ATG5: variants seen among roughly 807,000 people sequenced by gnomAD.
ATG5 encodes the protein autophagy related 5, also known as autophagy protein 5.
ATG5 carries 14 observed loss-of-function variants against 36.5 expected under a neutral mutation model. The observed-to-expected ratio is 0.38, with a 90% CI of 0.25 to 0.60. The LOEUF (loss-of-function observed/expected upper bound fraction) is 0.60, where lower values mean the gene tolerates loss of function less well. Among genes scored for constraint, ATG5 ranks in the 20% least tolerant of loss-of-function variants. ATG5 has a pLI of 0.60. For synonymous variants in ATG5, 95 were observed against 101.5 expected, an observed-to-expected ratio of 0.94 and a Z score of 0.38; for missense variants, 195 against 326.7, an observed-to-expected ratio of 0.60 and a Z score of 3.11.
At chr6:106,189,920 T>C (rs141057376) in intron 7 of ATG5, among the ~76,000 whole-genome samples, 375 of 152,304 alleles carry the variant, frequency 2.5e-3, no homozygotes, top group African/African-American at 8.5e-3. Context: ...ACTAGTTCTA[T>C]ATGAACTTCT....
intron 2 of ATG5, 90 bp downstream of exon 2, chr6:106,316,011 C>T (rs893943652): frequency 3.0e-5 from 30 of 1,014,576 alleles, no homozygotes; most frequent in African/African-American, 2.8e-4. Context: ...GTATCTAAAA[C>T]GTTACATAAT....
rs186690227 is a variant in ATG5, at chr6:106,261,872, A to G, written c.479-13628T>C. Among the ~76,000 whole-genome samples, 34 of 152,298 alleles carry G rather than the reference A, an allele frequency of 2.2e-4. No homozygotes were observed. The East Asian group carries it at 6.4e-3, about 29-fold the overall frequency. On this transcript the variant is annotated intron_variant, in intron 5 of 7. Transcript: ENST00000369076. ...TGTGCTACTGGCATCTAGTCTGTAG[A>G]GGCCAGAAGTGCTGCTAAAGATTAC...
At chr6:106,219,447 C>A (rs1235508632) in intron 6 of ATG5, among the ~76,000 whole-genome samples, 1 of 152,188 alleles carries the variant, frequency 6.6e-6, no homozygotes, top group East Asian at 1.9e-4. Flanking sequence ...GCAGATTCAA[C>A]TAACCATGGG....
intron 6 of ATG5, among the ~76,000 whole-genome samples, chr6:106,221,765 C>T (rs752304760): frequency 6.6e-6 from 1 of 151,048 alleles, no homozygotes; most frequent in Non-Finnish European, 1.5e-5. Context: ...ACTATATCTA[C>T]TTATATTCCC....
At chr6:106,250,390 A>G (rs1483074472) in intron 5 of ATG5, among the ~76,000 whole-genome samples, 1 of 152,208 alleles carries the variant, frequency 6.6e-6, no homozygotes, top group Non-Finnish European at 1.5e-5. Flanking sequence ...AAAATTCTGA[A>G]TCCAGTAAGT....
intron 6 of ATG5, among the ~76,000 whole-genome samples, chr6:106,222,650 T>C (rs945588161): frequency 6.6e-6 from 1 of 152,116 alleles, no homozygotes; most frequent in Non-Finnish European, 1.5e-5. Context: ...AAAATAAAAG[T>C]AATGAACTTA....
At chr6:106,189,154 C>A (rs901793458) in intron 7 of ATG5, among the ~76,000 whole-genome samples, 2 of 152,114 alleles carry the variant, frequency 1.3e-5, no homozygotes, top group East Asian at 3.8e-4. Flanking sequence ...GCTAGCCCTA[C>A]CATGGAGAAT....
chr6:106,299,707 C>G (rs1229904687), intron 3 of ATG5, among the ~76,000 whole-genome samples: 1 of 152,192 alleles, frequency 6.6e-6, no homozygotes, highest in Non-Finnish European at 1.5e-5. Flanking sequence ...CACATTGGCA[C>G]ATGGTGTAGC....
At chr6:106,290,680 A>T (rs1371073386) in intron 4 of ATG5, among the ~76,000 whole-genome samples, 1 of 152,192 alleles carries the variant, frequency 6.6e-6, no homozygotes, top group Admixed American at 6.6e-5. Context: ...ACTCTGTTAC[A>T]TTAAGATTTC....
intron 2 of ATG5, among the ~76,000 whole-genome samples, chr6:106,312,422 G>C (rs983977664): frequency 2.0e-5 from 3 of 151,918 alleles, no homozygotes; most frequent in African/African-American, 4.8e-5. Flanking sequence ...ATCTAAGTGA[G>C]GATCTCCAGC....
chr6:106,301,564 C>T (rs1770208379), intron 3 of ATG5, among the ~76,000 whole-genome samples: 1 of 151,946 alleles, frequency 6.6e-6, no homozygotes, highest in Non-Finnish European at 1.5e-5. Flanking sequence ...TTCATTCATT[C>T]ATTCACTGAA....
At chr6:106,297,765 C>CACACACACAT (rs752893372) in intron 3 of ATG5, among the ~76,000 whole-genome samples, 12 of 108,096 alleles carry the variant, frequency 1.1e-4, no homozygotes, top group East Asian at 3.1e-4. Flanking sequence ...CACACACACA[C>CACACACACAT]ATATATATTT....
In ATG5 at chr6:106,267,385, A is replaced by G. The variant is rs141681436; in HGVS notation, c.478+12276T>C. On this transcript the variant is annotated intron_variant, in intron 5 of 7. Coordinates refer to ENST00000369076, the MANE Select transcript of ATG5 (RefSeq NM_004849.4). ...CATTCCATGCTCATGGATAGGAAGAATCAGTATCATGAAAATGGCCATACT... is the reference window on the plus strand; with the variant it reads ...CATTCCATGCTCATGGATAGGAAGAGTCAGTATCATGAAAATGGCCATACT... 8.5e-3 allele frequency among the ~76,000 whole-genome samples: 1,290 copies of G among 152,360 alleles called. 13 individuals carry two copies. Among genetic ancestry groups the G allele is most frequent in the African/African-American group, 0.028 (1,169 of 41,582 alleles).
At chr6:106,242,940 G>C (rs373808252) in intron 6 of ATG5, among the ~76,000 whole-genome samples, 2 of 152,074 alleles carry the variant, frequency 1.3e-5, no homozygotes, top group East Asian at 3.9e-4. Flanking sequence ...AACAAACATG[G>C]CCATAATTTG....
chr6:106,229,356 G>A (rs1777576251), intron 6 of ATG5, among the ~76,000 whole-genome samples: 1 of 151,882 alleles, frequency 6.6e-6, no homozygotes, highest in South Asian at 2.1e-4. Context: ...TTTGTAAATG[G>A]CTAAGAGAGG....
intron 5 of ATG5, among the ~76,000 whole-genome samples, chr6:106,265,446 A>G (rs890318175): frequency 1.3e-5 from 2 of 152,196 alleles, no homozygotes; most frequent in South Asian, 2.1e-4. Flanking sequence ...CAGATCAACG[A>G]GACATAAAAT....
intron 3 of ATG5, among the ~76,000 whole-genome samples, chr6:106,301,868 C>T (rs1213508952): frequency 2.0e-5 from 3 of 151,986 alleles, no homozygotes; most frequent in Non-Finnish European, 4.4e-5. Context: ...GTACAAGGTA[C>T]CATTATCATT....
intron 5 of ATG5, among the ~76,000 whole-genome samples, chr6:106,277,122 CTT>C (rs1779689102): frequency 6.6e-6 from 1 of 152,200 alleles, no homozygotes; most frequent in East Asian, 1.9e-4. Context: ...CTTACTTGCT[CTT>C]GATACCACAG....
Position 106,316,135 on chromosome 6 carries a change from T to C in ATG5, c.74A>G (p.Asp25Gly). 1 of 1,613,538 alleles carries C rather than the reference T, an allele frequency of 6.2e-7. No homozygotes were observed. The highest frequency in any genetic ancestry group is 8.5e-7 in the Non-Finnish European group (1 of 1,179,660). ...RIPTCFTLYQDEITEREAEPY... is the reference protein window; with the variant it reads ...RIPTCFTLYQGEITEREAEPY... ...TTCTGCTTCCCTTTCAGTTATCTCA[T>C]CCTGATATAGCGTGAAACAAGTTGG... Residue 25 changes from aspartate to glycine, a missense_variant, in exon 2 of 8, where the codon GAT (aspartate) becomes GGT (glycine). By Grantham distance (94) the Asp-to-Gly change is moderately conservative. Coordinates refer to ENST00000369076, the MANE Select transcript of ATG5 (RefSeq NM_004849.4).
Sources: gnomAD v4.1 joint callset for allele counts (sites outside exome capture counted in the v4.1 genomes callset) on GRCh38, gnomAD v4.1.1 for gene constraint, MANE v1.5 for transcripts, NCBI Gene and HGNC (gene_info 2026-07-23, HGNC 2026-07-21) for gene names.